AAGAB: variants seen among roughly 807,000 people sequenced by gnomAD.
The protein encoded by AAGAB is alpha and gamma adaptin binding protein.
In AAGAB, 38 loss-of-function variants were observed where a neutral mutation model predicts 44.1. The observed-to-expected ratio is 0.86, with a 90% CI of 0.67 to 1.13. AAGAB has a LOEUF of 1.13. AAGAB is among the 50% of genes most tolerant of loss of function. The pLI is 0.00. For missense variants in AAGAB, 450 were observed against 373.8 expected, an observed-to-expected ratio of 1.20 and a Z score of -1.68; for synonymous variants, 131 against 131.8, an observed-to-expected ratio of 0.99 and a Z score of 0.04.
At chr15:67,254,933 T>A (rs1596031707), upstream of AAGAB, 1 of 1,613,666 alleles carries the variant, frequency 6.2e-7, no homozygotes. Flanking sequence ...CCCTGTCGGA[T>A]CCATCTTAAT....
At chr15:67,220,114 C>T (rs2140358420) in intron 5 of AAGAB, among the ~76,000 whole-genome samples, 1 of 152,158 alleles carries the variant, frequency 6.6e-6, no homozygotes, top group East Asian at 1.9e-4. Context: ...AACTATCTAT[C>T]CTTAGCTGTA....
At chr15:67,204,889 T>C (rs1305102538) in intron 7 of AAGAB, among the ~76,000 whole-genome samples, 1 of 152,236 alleles carries the variant, frequency 6.6e-6, no homozygotes, top group Non-Finnish European at 1.5e-5. Flanking sequence ...CACTTATTGT[T>C]TCCAGAACTG....
At chr15:67,243,408 C>T (rs1390261483) in intron 1 of AAGAB, among the ~76,000 whole-genome samples, 1 of 152,134 alleles carries the variant, frequency 6.6e-6, no homozygotes. Context: ...TCTCTGAATT[C>T]CATTGCTAGT....
At chr15:67,226,886 T>C (rs1361307965) in intron 5 of AAGAB, 3 of 289,834 alleles carry the variant, frequency 1.0e-5, no homozygotes, top group Non-Finnish European at 2.2e-5. Context: ...ATTCATCTCT[T>C]ACGTTTTTAA....
intron 1 of AAGAB, among the ~76,000 whole-genome samples, chr15:67,241,516 T>C (rs929885582): frequency 6.6e-6 from 1 of 152,138 alleles, no homozygotes; most frequent in Non-Finnish European, 1.5e-5. Flanking sequence ...CTTTCTTCCC[T>C]TTGTGAAGCC....
intron 5 of AAGAB, among the ~76,000 whole-genome samples, chr15:67,218,457 A>AACAC (rs889572033): frequency 2.6e-5 from 4 of 152,144 alleles, no homozygotes; most frequent in African/African-American, 9.7e-5. Flanking sequence ...CAAACAAACA[A>AACAC]ACAAACAAAA....
At chr15:67,245,550 G>A (rs1964700680) in intron 1 of AAGAB, among the ~76,000 whole-genome samples, 1 of 152,150 alleles carries the variant, frequency 6.6e-6, no homozygotes, top group Non-Finnish European at 1.5e-5. Context: ...AATGATGGTT[G>A]CACAAATCCG....
intron 5 of AAGAB, among the ~76,000 whole-genome samples, chr15:67,229,644 T>C (rs1222375826): frequency 6.6e-6 from 1 of 151,982 alleles, no homozygotes; most frequent in Admixed American, 6.6e-5. Flanking sequence ...GAGTACCTTA[T>C]TATGCCAGAA....
At position 67,209,502 on chromosome 15, in the gene AAGAB, G is replaced by C; in HGVS notation, c.578C>G (p.Thr193Arg). ...ATCTGCTGACCCAATGCTATGGTTT[G>C]TTCCAGTCAATGAGTTGAGAAGGCT... is the stretch of plus-strand genomic sequence containing the variant. Reference protein sequence around the residue: ...GFSLLNSLTGTNHSIGSADPC... With the variant: ...GFSLLNSLTGRNHSIGSADPC... Residue 193 changes from threonine to arginine, a missense_variant, in exon 6 of 10, where the codon ACA becomes AGA. Coordinates refer to ENST00000261880, the MANE Select transcript of AAGAB (RefSeq NM_024666.5). The C allele has an allele frequency of 6.2e-7, 1 of 1,614,164 alleles. No homozygotes were observed. Among genetic ancestry groups the C allele is most frequent in the Non-Finnish European group, 8.5e-7 (1 of 1,180,010 alleles).
chr15:67,252,596 T>C (rs1007839514), intron 1 of AAGAB, among the ~76,000 whole-genome samples: 2 of 152,132 alleles, frequency 1.3e-5, no homozygotes, highest in Admixed American at 1.3e-4. Context: ...TTTCTCTGTA[T>C]GCTAAATTTT....
chr15:67,233,713 C>T (rs546046421), intron 4 of AAGAB, among the ~76,000 whole-genome samples: 2 of 152,242 alleles, frequency 1.3e-5, no homozygotes, highest in Admixed American at 6.5e-5. Flanking sequence ...GAAACAATAC[C>T]ACTCTATGCA....
intron 7 of AAGAB, among the ~76,000 whole-genome samples, chr15:67,208,360 A>G (rs1240221777): frequency 6.6e-6 from 1 of 152,202 alleles, no homozygotes; most frequent in Non-Finnish European, 1.5e-5. Flanking sequence ...TAAAGAGAAA[A>G]TGGTACCCAC....
chr15:67,228,362 T>C (rs963177808), intron 5 of AAGAB, among the ~76,000 whole-genome samples: 3 of 152,220 alleles, frequency 2.0e-5, no homozygotes, highest in African/African-American at 7.2e-5. Context: ...ATTTGCTAAA[T>C]AGATGAATGA....
Position 67,250,862 on chromosome 15 carries a change from T to C in AAGAB, c.73+3697A>G, listed in dbSNP as rs575531567. Among the ~76,000 whole-genome samples, 9 of 152,026 alleles carry C rather than the reference T, an allele frequency of 5.9e-5. No homozygotes were observed. In the South Asian group the frequency reaches 1.9e-3, roughly 32 times the overall value. The stretch of plus-strand genomic sequence containing the variant: ...TAACACAGTGAAACCCCGTCTCTAC[T>C]AAAAAATACAAAAAATTACCCGAGC... On this transcript the variant is annotated intron_variant, in intron 1 of 9. Coordinates refer to ENST00000261880, the MANE Select transcript of AAGAB (RefSeq NM_024666.5).
chr15:67,240,707 T>C (rs1964575759), intron 1 of AAGAB, among the ~76,000 whole-genome samples: 2 of 152,216 alleles, frequency 1.3e-5, no homozygotes, highest in Non-Finnish European at 2.9e-5. Context: ...CTCACATCCT[T>C]GGTCAACTTC....
chr15:67,231,003 C>A (rs1248903039), intron 5 of AAGAB, among the ~76,000 whole-genome samples: 1 of 152,172 alleles, frequency 6.6e-6, no homozygotes, highest in Non-Finnish European at 1.5e-5. Flanking sequence ...TAAGCTAGCT[C>A]CAAATGCTAG....
intron 5 of AAGAB, among the ~76,000 whole-genome samples, chr15:67,214,981 G>GA (rs72134930): frequency 1.9e-4 from 27 of 144,132 alleles, no homozygotes; most frequent in South Asian, 6.6e-4. Flanking sequence ...GATTTTCAAT[G>GA]AAAAAAAAAA....
At chr15:67,243,671 C>A (rs573249551) in intron 1 of AAGAB, among the ~76,000 whole-genome samples, 1 of 152,258 alleles carries the variant, frequency 6.6e-6, no homozygotes. Context: ...TGATCTACAG[C>A]AAAGAAACCT....
chr15:67,203,558 T>G lies in AAGAB; in HGVS notation c.860A>C (p.His287Pro), dbSNP rs1003846421. ...GGCTGATTGTCTCACCTTTTCTGCATGCACTTTTCTTTGCTCATGAGGAAG... is the reference window on the plus strand; with the variant it reads ...GGCTGATTGTCTCACCTTTTCTGCAGGCACTTTTCTTTGCTCATGAGGAAG... ...ATLPHEQRKV[H>P]AEKVAKAFWM... Residue 287 changes from histidine (H) to proline (P), a missense_variant, in exon 9 of 10, where the codon CAT (histidine) becomes CCT (proline). Transcript: ENST00000261880. 1 of 1,613,628 alleles carries G rather than the reference T, an allele frequency of 6.2e-7. No homozygotes were observed. The highest frequency in any genetic ancestry group is 1.3e-5 in the African/African-American group (1 of 74,940).
Sources: gnomAD v4.1 joint callset for allele counts (sites outside exome capture counted in the v4.1 genomes callset) on GRCh38, gnomAD v4.1.1 for gene constraint, MANE v1.5 for transcripts, NCBI Gene and HGNC (gene_info 2026-07-23, HGNC 2026-07-21) for gene names.